PRPF18: variants seen among roughly 807,000 people sequenced by gnomAD.
PRPF18 encodes pre-mRNA processing factor 18.
In PRPF18, 38 loss-of-function variants were observed where a neutral mutation model predicts 46.5. The observed-to-expected ratio is 0.82, with a 90% CI of 0.63 to 1.07. The LOEUF (loss-of-function observed/expected upper bound fraction) is 1.07, where lower values mean the gene tolerates loss of function less well. PRPF18 is among the 50% of genes least tolerant of loss of function. The pLI is 0.00. For synonymous variants in PRPF18, 152 were observed against 146.7 expected, an observed-to-expected ratio of 1.04 and a Z score of -0.26; for missense variants, 263 against 410.0, an observed-to-expected ratio of 0.64 and a Z score of 3.10.
chr10:13,594,057 T>C (rs2080001037), intron 1 of PRPF18, among the ~76,000 whole-genome samples: 1 of 152,226 alleles, frequency 6.6e-6, no homozygotes, highest in Non-Finnish European at 1.5e-5. Context: ...GGTCTCATTC[T>C]CAATTATTGA....
At chr10:13,589,047 C>G (rs1341455904) in intron 1 of PRPF18, among the ~76,000 whole-genome samples, 6 of 152,206 alleles carry the variant, frequency 3.9e-5, no homozygotes, top group Non-Finnish European at 1.5e-5. Flanking sequence ...ATGAAAAGAT[C>G]ACTTCATTTA....
At chr10:13,614,966 G>C (rs561162141) in intron 8 of PRPF18, among the ~76,000 whole-genome samples, 2 of 152,306 alleles carry the variant, frequency 1.3e-5, no homozygotes, top group African/African-American at 2.4e-5. Context: ...GTATACTGAC[G>C]TAACAAGGGA....
Position 13,613,843 on chromosome 10 carries a change from T to C in PRPF18, c.682T>C (p.Ser228Pro). The change falls in exon 7 of 10, where the codon TCC (serine) becomes CCC (proline). Residue 228 changes from serine (S) to proline (P), a missense_variant. Physicochemically the swap from Ser to Pro is moderately conservative, Grantham distance 74 (BLOSUM62 -1). Coordinates refer to ENST00000378572, the MANE Select transcript of PRPF18 (RefSeq NM_003675.4). Reference protein sequence around the residue: ...LNSATQKQTESYLRPLFRKLR... With the variant: ...LNSATQKQTEPYLRPLFRKLR... ...CAGTGCGACCCAGAAACAGACCGAG[T>C]CCTACCTAAGACCACTTTTTAGAAA... is the stretch of plus-strand genomic sequence containing the variant. 1 of 1,613,700 alleles carries C rather than the reference T, an allele frequency of 6.2e-7. No individual in the cohort carries two copies. Among genetic ancestry groups the C allele is most frequent in the Non-Finnish European group, 8.5e-7 (1 of 1,179,906 alleles).
intron 1 of PRPF18, chr10:13,591,892 A>G (rs750392857): frequency 2.1e-6 from 3 of 1,416,976 alleles, no homozygotes; most frequent in Non-Finnish European, 2.8e-6. Flanking sequence ...CCCCGGGGTA[A>G]TGCTGGTTCG....
chr10:13,600,739 A>G (rs1050965097), intron 3 of PRPF18, among the ~76,000 whole-genome samples: 1 of 152,152 alleles, frequency 6.6e-6, no homozygotes, highest in African/African-American at 2.4e-5. Flanking sequence ...GAATGAGTGT[A>G]TAATTTCCCA....
downstream of PRPF18, chr10:13,632,869 T>A (rs937045823): frequency 6.6e-6 from 1 of 152,208 alleles, no homozygotes; most frequent in Non-Finnish European, 1.5e-5. Context: ...AGTGAAGACA[T>A]ACCTTTTAAA....
chr10:13,623,599 TTAAATA>T (rs1182441218), intron 9 of PRPF18, among the ~76,000 whole-genome samples: 6 of 152,242 alleles, frequency 3.9e-5, no homozygotes, highest in African/African-American at 1.4e-4. Flanking sequence ...GTCTTTATAC[TTAAATA>T]TAAAGATTAC....
At chr10:13,604,927 A>T (rs996707511) in intron 3 of PRPF18, among the ~76,000 whole-genome samples, 1 of 152,248 alleles carries the variant, frequency 6.6e-6, no homozygotes, top group African/African-American at 2.4e-5. Context: ...GGCCACAGAC[A>T]TGCCCCTTTT....
chr10:13,637,137 T>G, the PRPF18 span: 1 of 152,236 alleles, frequency 6.6e-6, no homozygotes, highest in Non-Finnish European at 1.5e-5. Flanking sequence ...TATATGTGTT[T>G]CTTGGTGAAT....
At chr10:13,592,077 T>C (rs1564449024) in intron 1 of PRPF18, 2 of 583,392 alleles carry the variant, frequency 3.4e-6, no homozygotes, top group East Asian at 4.1e-5. Flanking sequence ...AACCTTCTTT[T>C]TCTTTTCAAC....
chr10:13,602,005 A>T (rs2080118119), intron 3 of PRPF18, among the ~76,000 whole-genome samples: 1 of 152,194 alleles, frequency 6.6e-6, no homozygotes, highest in South Asian at 2.1e-4. Flanking sequence ...TTCCTAGGAA[A>T]ATAATTTCTG....
At chr10:13,596,141 T>C (rs188502284) in intron 1 of PRPF18, among the ~76,000 whole-genome samples, 3 of 152,348 alleles carry the variant, frequency 2.0e-5, no homozygotes, top group Admixed American at 6.5e-5. Flanking sequence ...TGAAGAACGT[T>C]GTCATTTTCT....
At chr10:13,625,778 G>A (rs7089243) in intron 9 of PRPF18, among the ~76,000 whole-genome samples, 120,963 of 152,202 alleles carry the variant, frequency 0.79, 48,249 homozygotes, top group East Asian at 0.85. Context: ...ACTTCTCACT[G>A]ATAGCACTAG....
At chr10:13,650,283 A>G in the PRPF18 span, among the ~76,000 whole-genome samples, 112,204 of 152,042 alleles carry the variant, frequency 0.74, 41,923 homozygotes, top group South Asian at 0.8. Context: ...GAACAGTCCC[A>G]CAGTTGGTCA....
chr10:13,651,861 A>G, the PRPF18 span: 2 of 953,508 alleles, frequency 2.1e-6, no homozygotes, highest in Non-Finnish European at 3.5e-6. Flanking sequence ...ATGTGGGACC[A>G]CAGACTCATG....
At chr10:13,590,055 C>T (rs1428742690) in intron 1 of PRPF18, among the ~76,000 whole-genome samples, 2 of 151,482 alleles carry the variant, frequency 1.3e-5, no homozygotes, top group Non-Finnish European at 2.9e-5. Flanking sequence ...TCAAGGTTCA[C>T]AACATGAATA....
intron 8 of PRPF18, among the ~76,000 whole-genome samples, chr10:13,614,983 G>A (rs1191765579): frequency 6.6e-6 from 1 of 152,208 alleles, no homozygotes; most frequent in Non-Finnish European, 1.5e-5. Flanking sequence ...GGGACTGCTG[G>A]CATTCCTGAG....
At chr10:13,609,782 C>T (rs1206060783) in intron 4 of PRPF18, among the ~76,000 whole-genome samples, 1 of 152,090 alleles carries the variant, frequency 6.6e-6, no homozygotes, top group Non-Finnish European at 1.5e-5. Flanking sequence ...TTGTCACTCA[C>T]GTGTATTTTA....
the PRPF18 span, chr10:13,651,711 G>C: frequency 5.0e-6 from 3 of 599,506 alleles, no homozygotes; most frequent in South Asian, 4.1e-5. Context: ...CTGGGAAGCA[G>C]TGTTAGGAAT....
Sources: allele counts gnomAD v4.1 joint callset (sites outside exome capture counted in the v4.1 genomes callset), GRCh38; gene constraint gnomAD v4.1.1; transcripts MANE v1.5; gene names NCBI Gene and HGNC (gene_info 2026-07-23, HGNC 2026-07-21).